SNX29: variants seen among roughly 807,000 people sequenced by gnomAD.
SNX29 encodes the protein sorting nexin-29.
In SNX29, 78 loss-of-function variants were observed where a neutral mutation model predicts 102.1. The ratio of observed to expected loss-of-function variants is 0.76; its 90% confidence interval spans 0.64 to 0.92. The LOEUF is 0.92. SNX29 is among the 40% of genes least tolerant of loss of function. SNX29 has a pLI of 0.00. For missense variants in SNX29, 1,280 were observed against 1,061.7 expected (o/e 1.21, Z -2.86); for synonymous variants, 580 against 414.5 (o/e 1.40, Z -4.85).
At chr16:12,271,858 A>C (rs112884501) in intron 14 of SNX29, among the ~76,000 whole-genome samples, 4,023 of 152,252 alleles carry the variant, frequency 0.026, 75 homozygotes, top group East Asian at 0.12. Context: ...CCTAACCTCA[A>C]GTGATCCGCC....
At chr16:12,023,261 A>G (rs2057082901) in intron 3 of SNX29, among the ~76,000 whole-genome samples, 1 of 152,016 alleles carries the variant, frequency 6.6e-6, no homozygotes, top group South Asian at 2.1e-4. Context: ...ATTTAAAATA[A>G]TATTCCTAGT....
Position 12,571,280 on chromosome 16 carries a change from G to C in SNX29, c.*2651G>C, listed in dbSNP as rs933694433. On this transcript the variant is annotated 3_prime_UTR_variant, in exon 21 of 21. Coordinates refer to ENST00000566228, the MANE Select transcript of SNX29 (RefSeq NM_032167.5). ...CTAGCAGAATTGTGGCTGAAACCTGGTGCCCAAATTCCACACCCTGGAAAT... is the reference window on the plus strand; with the variant it reads ...CTAGCAGAATTGTGGCTGAAACCTGCTGCCCAAATTCCACACCCTGGAAAT... 2.2e-5 allele frequency: 5 copies of C among 231,998 alleles called. No homozygotes were observed. Among genetic ancestry groups the C allele is most frequent in the African/African-American group, 6.6e-5 (3 of 45,272 alleles). 14.4% of individuals were successfully genotyped at this position (231,998 alleles called of 1,614,324 possible).
Position 12,568,515 on chromosome 16 carries a change from C to T in SNX29, c.2328C>T (p.Thr776=), listed in dbSNP as rs1297527323. 1.2e-6 allele frequency: 2 copies of T among 1,609,920 alleles called. No individual in the cohort carries two copies. The highest frequency in any genetic ancestry group is 2.2e-5 in the South Asian group (2 of 91,078). ...CTCCCTGCTCTTTCAGCGACATCACCCCGCCCGGAGAGCCTGTGAACAGCC... is the reference window on the plus strand; with the variant it reads ...CTCCCTGCTCTTTCAGCGACATCACTCCGCCCGGAGAGCCTGTGAACAGCC... The part of the protein sequence containing the change: ...IQLMPFFVDI[T]PPGEPVNSRP... Residue 776 remains threonine, a synonymous_variant, in exon 21 of 21, where the codon ACC becomes ACT. Transcript: ENST00000566228.
chr16:12,547,876 C>T (rs1389295126), intron 20 of SNX29, among the ~76,000 whole-genome samples: 2 of 152,128 alleles, frequency 1.3e-5, no homozygotes, highest in Admixed American at 6.5e-5. Context: ...CCACTTCCTT[C>T]AGCAGCAGTT....
chr16:12,306,701 G>T (rs770790515), intron 15 of SNX29, among the ~76,000 whole-genome samples: 5 of 152,234 alleles, frequency 3.3e-5, no homozygotes, highest in Non-Finnish European at 7.3e-5. Context: ...CAGCGGCATG[G>T]TCTTTGGGGA....
intron 16 of SNX29, among the ~76,000 whole-genome samples, chr16:12,384,287 A>G (rs945119820): frequency 1.3e-5 from 2 of 152,138 alleles, no homozygotes; most frequent in African/African-American, 4.8e-5. Context: ...GTTTTTTGAG[A>G]AACGTCCAAA....
Position 12,061,513 on chromosome 16 carries a change from A to G in SNX29, c.1125-15A>G, listed in dbSNP as rs201686198. 2.5e-6 allele frequency: 4 copies of G among 1,578,042 alleles called. No homozygotes were observed. Among genetic ancestry groups the G allele is most frequent in the African/African-American group, 2.7e-5 (2 of 74,136 alleles). On this transcript the variant is annotated splice_polypyrimidine_tract_variant and intron_variant, in intron 8 of 20. Transcript: ENST00000566228. ...GCTCTTTGGCCTGTCCTGCAGCTGT[A>G]TTCTTTCACCTTAGGCCACTGGAAG...
intron 2 of SNX29, among the ~76,000 whole-genome samples, chr16:12,002,305 G>A (rs1313945298): frequency 2.6e-5 from 4 of 151,972 alleles, no homozygotes; most frequent in African/African-American, 9.7e-5. Flanking sequence ...AAAATTAGCC[G>A]GGCATAGTGG....
intron 18 of SNX29, among the ~76,000 whole-genome samples, chr16:12,449,001 G>A (rs2086185559): frequency 6.6e-6 from 1 of 152,156 alleles, no homozygotes; most frequent in African/African-American, 2.4e-5. Flanking sequence ...TTGCATTGAG[G>A]AAGAAGACTC....
chr16:12,564,508 A>G (rs2078908070), intron 20 of SNX29, among the ~76,000 whole-genome samples: 1 of 152,126 alleles, frequency 6.6e-6, no homozygotes, highest in South Asian at 2.1e-4. Context: ...AACAGAAGGA[A>G]CTCAAGTTTT....
In SNX29 at chr16:12,570,288, G is replaced by T. The variant is rs939229967; in HGVS notation, c.*1659G>T. 3 of 1,061,008 alleles carry T rather than the reference G, an allele frequency of 2.8e-6. No individual in the cohort carries two copies. Among genetic ancestry groups the T allele is most frequent in the Non-Finnish European group, 3.4e-6 (3 of 875,630 alleles). 65.7% of individuals were successfully genotyped at this position (1,061,008 alleles called of 1,614,324 possible). A position where few individuals can be genotyped will look rare whatever the true frequency, so the allele number is the denominator to read the frequency against. On this transcript the variant is annotated 3_prime_UTR_variant, in exon 21 of 21. Coordinates refer to ENST00000566228, the MANE Select transcript of SNX29 (RefSeq NM_032167.5). Reference sequence around the variant, plus strand: ...GAGGTGCGGACCCTGCAGTCAGTTTGCGAGTGTGGAGGACCCGAGACATCC... The same window carrying T: ...GAGGTGCGGACCCTGCAGTCAGTTTTCGAGTGTGGAGGACCCGAGACATCC...
At chr16:12,128,452 CTTTT>C (rs35504724) in intron 12 of SNX29, among the ~76,000 whole-genome samples, 1 of 128,300 alleles carries the variant, frequency 7.8e-6, no homozygotes. Flanking sequence ...TGATTATATT[CTTTT>C]TTTTTTTTTT....
intron 8 of SNX29, among the ~76,000 whole-genome samples, chr16:12,055,114 A>G (rs2050465854): frequency 6.6e-6 from 1 of 151,902 alleles, no homozygotes; most frequent in South Asian, 2.1e-4. Context: ...GCTGAGGCGG[A>G]CGTTCTGTGT....
chr16:12,408,257 A>T (rs1366601343), intron 18 of SNX29, among the ~76,000 whole-genome samples: 1 of 152,190 alleles, frequency 6.6e-6, no homozygotes, highest in Non-Finnish European at 1.5e-5. Context: ...TCTCACCTGC[A>T]TGGGCAGCCA....
intron 14 of SNX29, among the ~76,000 whole-genome samples, chr16:12,226,472 C>G (rs548937466): frequency 6.6e-6 from 1 of 152,000 alleles, no homozygotes; most frequent in South Asian, 2.1e-4. Context: ...TAGGAGGCAG[C>G]TTGTGGAGCT....
chr16:12,513,483 G>A (rs1274094292), intron 19 of SNX29, among the ~76,000 whole-genome samples: 2 of 151,534 alleles, frequency 1.3e-5, no homozygotes, highest in Admixed American at 6.6e-5. Context: ...CCGTACCCTT[G>A]CAAAACACCT....
intron 10 of SNX29, among the ~76,000 whole-genome samples, chr16:12,073,676 T>A (rs890354654): frequency 6.6e-6 from 1 of 152,242 alleles, no homozygotes; most frequent in African/African-American, 2.4e-5. Context: ...TGTAGATGTC[T>A]ATTAGATCTG....
chr16:12,490,648 C>A (rs1269125237), intron 19 of SNX29, among the ~76,000 whole-genome samples: 4 of 152,124 alleles, frequency 2.6e-5, no homozygotes, highest in South Asian at 2.1e-4. Flanking sequence ...AGCAGCCATA[C>A]GGTGATGATT....
intron 19 of SNX29, among the ~76,000 whole-genome samples, chr16:12,484,336 C>T (rs890409131): frequency 1.3e-5 from 2 of 152,200 alleles, no homozygotes; most frequent in Admixed American, 6.5e-5. Flanking sequence ...ATTCTAACTC[C>T]AAGCCACTGT....
Sources: gnomAD v4.1 joint callset for allele counts (sites outside exome capture counted in the v4.1 genomes callset) on GRCh38, gnomAD v4.1.1 for gene constraint, MANE v1.5 for transcripts, NCBI Gene and HGNC (gene_info 2026-07-23, HGNC 2026-07-21) for gene names.